Variants in RBM23 observed in about 807,000 individuals in gnomAD.
RBM23 encodes the protein RNA binding motif protein 23.
Under a neutral mutation model 56.2 loss-of-function variants are expected in RBM23, and 53 were observed. The observed-to-expected ratio is 0.94, with a 90% CI of 0.76 to 1.19. The LOEUF (loss-of-function observed/expected upper bound fraction) is 1.19, where lower values mean the gene tolerates loss of function less well. Among genes scored for constraint, RBM23 ranks in the 50% most tolerant of loss-of-function variants. The pLI is 0.00. For synonymous variants in RBM23, 197 were observed against 198.5 expected (o/e 0.99, Z 0.06); for missense variants, 642 against 590.3 (o/e 1.09, Z -0.91).
In RBM23 at chr14:22,894,560, A is replaced by T. The variant is rs1441671767; in HGVS notation, c.*7170T>A. The T allele has an allele frequency of 6.6e-6, 1 of 151,880 alleles. No individual in the cohort carries two copies. The highest frequency in any genetic ancestry group is 1.5e-5 in the Non-Finnish European group (1 of 67,972). 9.4% of individuals were successfully genotyped at this position (151,880 alleles called of 1,614,324 possible). A position where few individuals can be genotyped will look rare whatever the true frequency, so the allele number is the denominator to read the frequency against. ...TGAAACCCTATTTCTACTAAAAAAAATTACAAAAATTAGCCAGGCATGGTG... is the reference window on the plus strand; with the variant it reads ...TGAAACCCTATTTCTACTAAAAAAATTTACAAAAATTAGCCAGGCATGGTG... On this transcript the variant is annotated 3_prime_UTR_variant, in exon 14 of 14. Coordinates refer to ENST00000359890, the MANE Select transcript of RBM23 (RefSeq NM_001077351.2).
Position 22,901,068 on chromosome 14 carries a change from C to T in RBM23, c.*662G>A, listed in dbSNP as rs763129449. On this transcript the variant is annotated 3_prime_UTR_variant, in exon 14 of 14. Transcript: ENST00000359890. ...TAAATTCCTGAAAGCCCCTAAATGC[C>T]TCACAGGACAGATCACTCTCACACC... is the stretch of plus-strand genomic sequence containing the variant. The T allele has an allele frequency of 1.3e-5, 2 of 152,268 alleles. No homozygotes were observed. Among genetic ancestry groups the T allele is most frequent in the African/African-American group, 4.8e-5 (2 of 41,442 alleles). The allele number at this position is 152,268 out of a possible 1,614,324, so 9.4% of individuals were successfully genotyped here. A position where few individuals can be genotyped will look rare whatever the true frequency, so the allele number is the denominator to read the frequency against.
intron 1 of RBM23, chr14:22,916,979 C>T (rs1566610271): frequency 1.3e-5 from 2 of 152,122 alleles, no homozygotes; most frequent in African/African-American, 2.4e-5. Context: ...AGCAATTCTC[C>T]TGTCTCAGTC....
chr14:22,908,850 C>T (rs967478599), intron 3 of RBM23: 1 of 155,694 alleles, frequency 6.4e-6, no homozygotes, highest in African/African-American at 2.4e-5. Flanking sequence ...ACAATACCAA[C>T]TTACAGCCCT....
At chr14:22,911,095 T>C (rs1160714241) in intron 2 of RBM23, among the ~76,000 whole-genome samples, 1 of 152,228 alleles carries the variant, frequency 6.6e-6, no homozygotes, top group Non-Finnish European at 1.5e-5. Context: ...AAAGCACAGA[T>C]TACCAACACC....
At chr14:22,917,308 G>T (rs1339835439) in intron 1 of RBM23, 1 of 152,100 alleles carries the variant, frequency 6.6e-6, no homozygotes, top group Admixed American at 6.5e-5. Flanking sequence ...ACTGCTCATT[G>T]TTGAGTGCTA....
chr14:22,918,161 G>A lies in RBM23; in HGVS notation c.-11+838C>T, dbSNP rs190531031. ...TGTAATCCCAGCACTTTGGGAGGCC[G>A]AGGCGGGTGGATCACCTGAGGTCAG... On this transcript the variant is annotated intron_variant, in intron 1 of 13. Transcript: ENST00000359890. 5.6e-3 allele frequency among the ~76,000 whole-genome samples: 854 copies of A among 152,292 alleles called. 8 individuals are homozygous for A. The highest frequency in any genetic ancestry group is 0.019 in the African/African-American group (808 of 41,566).
intron 3 of RBM23, among the ~76,000 whole-genome samples, chr14:22,909,234 C>T (rs925494638): frequency 7.2e-5 from 11 of 152,146 alleles, no homozygotes; most frequent in African/African-American, 2.4e-5. Context: ...TGAGCCACCA[C>T]GCCCAGCCCC....
intron 10 of RBM23, chr14:22,903,761 G>C: frequency 1.0e-6 from 1 of 1,001,188 alleles, no homozygotes; most frequent in Non-Finnish European, 1.2e-6. Context: ...TCAGGAAAAG[G>C]TGAAGCTTGC....
intron 1 of RBM23, among the ~76,000 whole-genome samples, chr14:22,915,372 G>C (rs1029448287): frequency 6.8e-6 from 1 of 147,034 alleles, no homozygotes; most frequent in African/African-American, 2.5e-5. Context: ...AGCTAATTTT[G>C]TATTTTTAGT....
chr14:22,918,291 A>C (rs1371683136), intron 1 of RBM23, among the ~76,000 whole-genome samples: 1 of 151,974 alleles, frequency 6.6e-6, no homozygotes, highest in African/African-American at 2.4e-5. Context: ...GCTACTCGGG[A>C]GGCTGAGGCA....
At chr14:22,913,434 A>T (rs10137346) in intron 1 of RBM23, among the ~76,000 whole-genome samples, 3,690 of 147,222 alleles carry the variant, frequency 0.025, 173 homozygotes, top group African/African-American at 0.087. Context: ...AAAAAAAATT[A>T]AAAAAAATTA....
intron 4 of RBM23, among the ~76,000 whole-genome samples, chr14:22,906,994 T>C (rs2041687374): frequency 6.6e-6 from 1 of 151,924 alleles, no homozygotes; most frequent in African/African-American, 2.4e-5. Context: ...GCCAACATGG[T>C]GAAACCCCAT....
rs1217387571 is a variant in RBM23 at position 22,894,103 on chromosome 14, C to G, written c.*7627G>C. 6.6e-6 allele frequency: 1 copy of G among 152,208 alleles called. No homozygotes were observed. The highest frequency in any genetic ancestry group is 2.4e-5 in the African/African-American group (1 of 41,442). 9.4% of individuals were successfully genotyped at this position (152,208 alleles called of 1,614,324 possible). ...AAGAGCAAAGATCTTTGTAATTTCTCAAGCATTATACAGAGAAGCGGTGGA... is the reference window on the plus strand; with the variant it reads ...AAGAGCAAAGATCTTTGTAATTTCTGAAGCATTATACAGAGAAGCGGTGGA... On this transcript the variant is annotated 3_prime_UTR_variant, in exon 14 of 14. Transcript: ENST00000359890.
intron 1 of RBM23, among the ~76,000 whole-genome samples, chr14:22,912,290 G>A (rs1041751884): frequency 6.6e-6 from 1 of 152,248 alleles, no homozygotes; most frequent in Non-Finnish European, 1.5e-5. Flanking sequence ...TTGCCCTAAC[G>A]TCTTCCTCTC....
At chr14:22,918,388 G>A (rs1361132596) in intron 1 of RBM23, among the ~76,000 whole-genome samples, 3 of 122,114 alleles carry the variant, frequency 2.5e-5, no homozygotes, top group East Asian at 3.0e-4. Context: ...GCGACACTCC[G>A]CCTTAAAAAA....
chr14:22,909,452 T>G (rs768982323), intron 3 of RBM23, 31 bp downstream of exon 3: 33 of 1,571,690 alleles, frequency 2.1e-5, no homozygotes, highest in Non-Finnish European at 2.6e-5. Context: ...CTTCCCCAAG[T>G]TGCCAACCCA....
chr14:22,902,466 T>C (rs1230483727), intron 10 of RBM23, 84 bp from the exon 11 acceptor site: 3 of 1,491,816 alleles, frequency 2.0e-6, no homozygotes, highest in African/African-American at 1.4e-5. Flanking sequence ...AGTCCTACTA[T>C]CCCAGGAAAA....
chr14:22,894,131 T>C lies in RBM23; in HGVS notation c.*7599A>G, dbSNP rs962056824. ...GCATTATACAGAGAAGCGGTGGAAG[T>C]AGTAATGCCTTTTGCAACCTATGTC... On this transcript the variant is annotated 3_prime_UTR_variant, in exon 14 of 14. Transcript: ENST00000359890. 2 of 152,226 alleles carry C rather than the reference T, an allele frequency of 1.3e-5. No homozygotes were observed. Among genetic ancestry groups the C allele is most frequent in the African/African-American group, 4.8e-5 (2 of 41,452 alleles). The allele number at this position is 152,226 out of a possible 1,614,324, so 9.4% of individuals were successfully genotyped here. A position where few individuals can be genotyped will look rare whatever the true frequency, so the allele number is the denominator to read the frequency against.
Position 22,904,346 on chromosome 14 carries a change from T to A in RBM23, c.865-20A>T. On this transcript the variant is annotated intron_variant, in intron 9 of 13. Transcript: ENST00000359890. ...ATCAATCTGTAGAAGAGTGAGAAAT[T>A]ATCAGTAAACTTTTGACTAGCCCAC... The A allele has an allele frequency of 6.3e-7, 1 of 1,592,712 alleles. No individual in the cohort carries two copies. Among genetic ancestry groups the A allele is most frequent in the Non-Finnish European group, 8.6e-7 (1 of 1,162,130 alleles).
Sources: gnomAD v4.1 joint callset for allele counts (sites outside exome capture counted in the v4.1 genomes callset) on GRCh38, gnomAD v4.1.1 for gene constraint, MANE v1.5 for transcripts, NCBI Gene and HGNC (gene_info 2026-07-23, HGNC 2026-07-21) for gene names.